Variants in CSMD1 observed in about 807,000 individuals in gnomAD.
CSMD1 encodes CUB and Sushi multiple domains 1.
Under a neutral mutation model 417.5 loss-of-function variants are expected in CSMD1, and 213 were observed. The ratio of observed to expected loss-of-function variants is 0.51; its 90% CI spans 0.46 to 0.57. CSMD1 has a LOEUF of 0.57. Ranked by LOEUF, CSMD1 falls within the 20% of genes least tolerant of loss-of-function variation. CSMD1 has a pLI of 0.00. For missense variants in CSMD1, 6,923 were observed against 4,529.7 expected, an observed-to-expected ratio of 1.53 and a Z score of -15.17; for synonymous variants, 2,862 against 1,736.8, an observed-to-expected ratio of 1.65 and a Z score of -16.11.
At chr8:3,512,468 A>T (rs1200729057) in intron 10 of CSMD1, among the ~76,000 whole-genome samples, 2 of 152,126 alleles carry the variant, frequency 1.3e-5, no homozygotes, top group African/African-American at 4.8e-5. Flanking sequence ...CATGACACCT[A>T]AGGATGCTGT....
intron 3 of CSMD1, among the ~76,000 whole-genome samples, chr8:4,053,180 T>A (rs1312455692): frequency 6.6e-6 from 1 of 152,202 alleles, no homozygotes; most frequent in East Asian, 1.9e-4. Flanking sequence ...GGTGCAAATT[T>A]GAAGCCTGAA....
At chr8:3,642,485 A>T (rs1381125706) in intron 7 of CSMD1, among the ~76,000 whole-genome samples, 1 of 152,192 alleles carries the variant, frequency 6.6e-6, no homozygotes, top group African/African-American at 2.4e-5. Context: ...ACCCAAGCAA[A>T]CACAAATCCT....
At position 3,049,020 on chromosome 8, in the gene CSMD1, A is replaced by C. The variant is rs73657550; in HGVS notation, c.7660+3442T>G. Among the ~76,000 whole-genome samples, 960 of 152,228 alleles carry C rather than the reference A, an allele frequency of 6.3e-3. 11 individuals carry two copies. Among genetic ancestry groups the C allele is most frequent in the African/African-American group, 0.022 (901 of 41,568 alleles). On this transcript the variant is annotated intron_variant, in intron 50 of 69. Transcript: ENST00000635120. ...GCATCATCAGAGTATTGCTAATTAA[A>C]GCAATAATAAGATACTACTGCACAT...
At chr8:4,419,696 G>T (rs972429591) in intron 3 of CSMD1, among the ~76,000 whole-genome samples, 2 of 152,026 alleles carry the variant, frequency 1.3e-5, no homozygotes, top group East Asian at 1.9e-4. Flanking sequence ...AAACTTATTC[G>T]CTACAAATTA....
chr8:4,890,333 T>C (rs979916144), intron 1 of CSMD1, among the ~76,000 whole-genome samples: 1 of 152,082 alleles, frequency 6.6e-6, no homozygotes, highest in Non-Finnish European at 1.5e-5. Context: ...CAGGTTCCTA[T>C]GGATTAGAGT....
intron 7 of CSMD1, among the ~76,000 whole-genome samples, chr8:3,676,915 ACAC>A (rs1799404011): frequency 6.6e-6 from 1 of 151,954 alleles, no homozygotes; most frequent in Admixed American, 6.5e-5. Flanking sequence ...AGAAAACCAA[ACAC>A]CACATGTTCA....
At chr8:3,429,692 A>C (rs1010571432) in intron 12 of CSMD1, among the ~76,000 whole-genome samples, 2 of 152,368 alleles carry the variant, frequency 1.3e-5, no homozygotes, top group African/African-American at 4.8e-5. Flanking sequence ...TTGTGCATAA[A>C]GTATAACTTA....
intron 1 of CSMD1, among the ~76,000 whole-genome samples, chr8:4,705,249 C>A (rs1358158015): frequency 6.6e-6 from 1 of 152,058 alleles, no homozygotes. Context: ...TTCCCAGTCT[C>A]TGGTATTTTT....
At chr8:4,206,283 G>C (rs935314586) in intron 3 of CSMD1, among the ~76,000 whole-genome samples, 1 of 152,016 alleles carries the variant, frequency 6.6e-6, no homozygotes, top group Non-Finnish European at 1.5e-5. Flanking sequence ...CCATGTTGGT[G>C]TGCTGCACCC....
At chr8:3,565,336 G>C (rs534117801) in intron 10 of CSMD1, among the ~76,000 whole-genome samples, 1 of 145,770 alleles carries the variant, frequency 6.9e-6, no homozygotes, top group Admixed American at 6.7e-5. Context: ...CAGGGCAGTT[G>C]GTGGAGCCAC....
chr8:3,474,321 G>A (rs1052276759), intron 11 of CSMD1, among the ~76,000 whole-genome samples: 1 of 151,974 alleles, frequency 6.6e-6, no homozygotes, highest in South Asian at 2.1e-4. Context: ...CAATGCAATA[G>A]CAAAGTGCTC....
At chr8:3,350,084 C>A (rs1444531629) in intron 21 of CSMD1, among the ~76,000 whole-genome samples, 1 of 121,896 alleles carries the variant, frequency 8.2e-6, no homozygotes, top group Non-Finnish European at 1.6e-5. Context: ...TGTTATAATA[C>A]CTATAATAAC....
intron 5 of CSMD1, among the ~76,000 whole-genome samples, chr8:3,838,833 T>C (rs1370814175): frequency 8.1e-6 from 1 of 124,196 alleles, no homozygotes; most frequent in East Asian, 2.2e-4. Flanking sequence ...TAATATATAA[T>C]ATTAATTATA....
intron 3 of CSMD1, among the ~76,000 whole-genome samples, chr8:4,415,889 G>C (rs1225908402): frequency 6.6e-6 from 1 of 152,126 alleles, no homozygotes; most frequent in Non-Finnish European, 1.5e-5. Flanking sequence ...GAGTGTATAA[G>C]GATTGCAACT....
At chr8:3,273,054 T>C (rs1445599253) in intron 26 of CSMD1, among the ~76,000 whole-genome samples, 2 of 152,096 alleles carry the variant, frequency 1.3e-5, no homozygotes, top group African/African-American at 2.4e-5. Flanking sequence ...TTCGGTATGA[T>C]ATTGGCTGTG....
rs549317300 is a variant in CSMD1 at position 4,793,856 on chromosome 8, C to A, written c.86-156298G>T. On this transcript the variant is annotated intron_variant, in intron 1 of 69. Transcript: ENST00000635120. ...ATAGGAAAAAAAAAAAAAAAAAACT[C>A]CTCTGATTAAAAGTTTGTTAATAAG... Among the ~76,000 whole-genome samples the A allele has an allele frequency of 1.3e-4, 20 of 148,210 alleles. No individual in the cohort carries two copies. In the East Asian group the frequency reaches 3.8e-3, roughly 28 times the overall value.
intron 1 of CSMD1, among the ~76,000 whole-genome samples, chr8:4,896,106 T>C (rs952872078): frequency 2.6e-5 from 4 of 152,150 alleles, no homozygotes; most frequent in Admixed American, 6.5e-5. Context: ...TTTTTCTGCC[T>C]TCTGAAATCA....
At chr8:4,247,719 C>T (rs754151912) in intron 3 of CSMD1, among the ~76,000 whole-genome samples, 15 of 152,068 alleles carry the variant, frequency 9.9e-5, no homozygotes, top group East Asian at 1.9e-4. Flanking sequence ...CATACTATAA[C>T]GCCCTTTTGA....
intron 23 of CSMD1, among the ~76,000 whole-genome samples, chr8:3,325,207 C>T (rs1057236378): frequency 6.6e-6 from 1 of 152,172 alleles, no homozygotes; most frequent in Non-Finnish European, 1.5e-5. Context: ...GTCCAGGTCT[C>T]CAGGCTGTTT....
Sources: gnomAD v4.1 joint callset for allele counts (sites outside exome capture counted in the v4.1 genomes callset) on GRCh38, gnomAD v4.1.1 for gene constraint, MANE v1.5 for transcripts, NCBI Gene and HGNC (gene_info 2026-07-23, HGNC 2026-07-21) for gene names.